Variants in USP34 observed in about 807,000 individuals in gnomAD.
USP34 encodes ubiquitin carboxyl-terminal hydrolase 34.
A neutral mutation model predicts 460.3 loss-of-function variants in USP34; 70 were observed. The observed-to-expected ratio is 0.15, with a 90% CI of 0.13 to 0.19. The LOEUF (loss-of-function observed/expected upper bound fraction) is 0.19. Ranked by LOEUF, USP34 falls within the 10% of genes least tolerant of loss-of-function variation. USP34 has a pLI of 1.00. For synonymous variants in USP34, 1,647 were observed against 1,405.3 expected (o/e 1.17, Z -3.85); for missense variants, 3,985 against 4,236.2 (o/e 0.94, Z 1.65).
intron 13 of USP34, 134 bp downstream of exon 13, chr2:61,349,116 G>T: frequency 1.7e-6 from 2 of 1,151,060 alleles, no homozygotes; most frequent in Non-Finnish European, 2.4e-6. Flanking sequence ...ACACGAATAT[G>T]TTAAAGGTTT....
chr2:61,455,683 C>G (rs1301503110), intron 1 of USP34, among the ~76,000 whole-genome samples: 1 of 152,142 alleles, frequency 6.6e-6, no homozygotes, highest in East Asian at 1.9e-4. Context: ...CCCATCATCC[C>G]AAAACTAAAC....
At chr2:61,237,822 T>A (rs898115776) in intron 53 of USP34, among the ~76,000 whole-genome samples, 2 of 151,604 alleles carry the variant, frequency 1.3e-5, no homozygotes, top group Non-Finnish European at 2.9e-5. Context: ...GCAATCCACC[T>A]ACTTCCCAAA....
At chr2:61,338,952 A>G (rs1405779029) in intron 18 of USP34, among the ~76,000 whole-genome samples, 4 of 152,220 alleles carry the variant, frequency 2.6e-5, no homozygotes, top group Non-Finnish European at 4.4e-5. Flanking sequence ...GAACAATACT[A>G]ATATCAAAGT....
Position 61,348,484 on chromosome 2 carries a change from T to C in USP34, c.1675-4A>G. On this transcript the variant is annotated splice_polypyrimidine_tract_variant and splice_region_variant and intron_variant, in intron 14 of 79. Coordinates refer to ENST00000398571, the MANE Select transcript of USP34 (RefSeq NM_014709.4). ...CAGAACTTCCCTGCATGGATTCCTG[T>C]ATTTTGAAACAAATAGATTTAAATA... The C allele has an allele frequency of 1.2e-6, 2 of 1,604,504 alleles. No homozygotes were observed. Among genetic ancestry groups the C allele is most frequent in the Non-Finnish European group, 1.7e-6 (2 of 1,175,538 alleles).
chr2:61,302,690 C>A (rs866476973), intron 27 of USP34, among the ~76,000 whole-genome samples: 21 of 152,192 alleles, frequency 1.4e-4, no homozygotes, highest in African/African-American at 5.1e-4. Context: ...CATTCTATAT[C>A]ATTTAACTAA....
At chr2:61,256,532 T>C (rs1281241887) in intron 47 of USP34, 54 bp from the exon 48 acceptor site, 4 of 1,364,958 alleles carry the variant, frequency 2.9e-6, no homozygotes, top group Non-Finnish European at 4.0e-6. Flanking sequence ...AGCATGCAAA[T>C]ATACAAAAGG....
chr2:61,202,424 TG>T (rs1227574274), intron 75 of USP34, among the ~76,000 whole-genome samples: 7 of 152,102 alleles, frequency 4.6e-5, no homozygotes, highest in Admixed American at 3.9e-4. Flanking sequence ...CCTAGAACTC[TG>T]GAAGTCCTGA....
At chr2:61,250,789 A>C (rs1157004704) in intron 48 of USP34, among the ~76,000 whole-genome samples, 1 of 152,168 alleles carries the variant, frequency 6.6e-6, no homozygotes, top group African/African-American at 2.4e-5. Flanking sequence ...TAGACACTAA[A>C]ATCAGGCCGA....
At chr2:61,396,626 T>C (rs1693537236) in intron 3 of USP34, among the ~76,000 whole-genome samples, 1 of 152,046 alleles carries the variant, frequency 6.6e-6, no homozygotes, top group African/African-American at 2.4e-5. Context: ...GTAGCCGGGA[T>C]TACAGGCGCC....
At chr2:61,277,941 A>G (rs778090431) in intron 41 of USP34, 35 of 499,846 alleles carry the variant, frequency 7.0e-5, no homozygotes, top group South Asian at 1.3e-4. Flanking sequence ...CGCCATCCAC[A>G]TAAGATGCGA....
chr2:61,403,267 T>C (rs530618430), intron 3 of USP34, among the ~76,000 whole-genome samples: 53 of 152,246 alleles, frequency 3.5e-4, no homozygotes, highest in African/African-American at 1.2e-3. Flanking sequence ...GAGATTACCA[T>C]TTTTGAAAAC....
chr2:61,394,243 T>C (rs1196536551), intron 5 of USP34, among the ~76,000 whole-genome samples: 1 of 152,174 alleles, frequency 6.6e-6, no homozygotes, highest in African/African-American at 2.4e-5. Context: ...ACAATCTTCA[T>C]GTGTAAGAGA....
rs1215390304 is a variant in USP34, at chr2:61,278,192, T to C, written c.5406A>G (p.Pro1802=). The C allele has an allele frequency of 1.2e-6, 2 of 1,613,138 alleles. No homozygotes were observed. The highest frequency in any genetic ancestry group is 2.2e-5 in the South Asian group (2 of 90,930). Residue 1802 remains proline (P), a synonymous_variant, in exon 41 of 80, where the codon CCA becomes CCG. Transcript: ENST00000398571. ...RLATSVVKHK[P]PFKFSREGQE... The stretch of plus-strand genomic sequence containing the variant: ...GTCCTTCCCTTGAAAATTTAAAGGG[T>C]GGTTTGTGTTTAACAACACTTGTTG...
At position 61,188,574 on chromosome 2, in the gene USP34, G is replaced by T; in HGVS notation, c.10169C>A (p.Thr3390Asn). ...LTPTSTSDNE[T>N]RDSSIIDPGT... The stretch of plus-strand genomic sequence containing the variant: ...TGGATCAATAATTGAGGAGTCTCTG[G>T]TCTCATTGTCAGAAGTGCTCGTTGG... The change falls in exon 80 of 80, where the codon ACC becomes AAC. Residue 3390 changes from threonine to asparagine, a missense_variant. Around this residue, in one of 14 missense-constraint regions of USP34, gnomAD observed 506 missense variants for 439.0 expected, o/e 1.15. Transcript: ENST00000398571. 6.2e-7 allele frequency: 1 copy of T among 1,614,142 alleles called. No homozygotes were observed. Among genetic ancestry groups the T allele is most frequent in the East Asian group, 2.2e-5 (1 of 44,886 alleles).
Position 61,314,676 on chromosome 2 carries a change from T to C in USP34, c.3451A>G (p.Ser1151Gly). 1 of 1,603,424 alleles carries C rather than the reference T, an allele frequency of 6.2e-7. No homozygotes were observed. Among genetic ancestry groups the C allele is most frequent in the South Asian group, 1.1e-5 (1 of 88,748 alleles). Residue 1151 changes from serine (S) to glycine (G), a missense_variant, in exon 25 of 80, where the codon AGC (serine) becomes GGC (glycine). Around this residue, in one of 14 missense-constraint regions of USP34, gnomAD observed 1,114 missense variants for 1,122.5 expected, o/e 0.99. Transcript: ENST00000398571. Reference protein sequence around the residue: ...KCMESLMIASSSLEQESHSSL... With the variant: ...KCMESLMIASGSLEQESHSSL... ...GAGTGTGATTCCTGTTCAAGACTGC[T>C]AGAAGCTATCATAAGACTCTCCATG... is the stretch of plus-strand genomic sequence containing the variant.
chr2:61,391,015 A>C (rs908649832), intron 5 of USP34, among the ~76,000 whole-genome samples: 1 of 152,016 alleles, frequency 6.6e-6, no homozygotes, highest in Non-Finnish European at 1.5e-5. Context: ...GAATCGCTTG[A>C]ATCTGGGAGG....
At position 61,206,857 on chromosome 2, in the gene USP34, G is replaced by A. The variant is rs781144166; in HGVS notation, c.8949C>T (p.His2983=). 1.7e-5 allele frequency: 27 copies of A among 1,613,326 alleles called. No homozygotes were observed. Among genetic ancestry groups the A allele is most frequent in the South Asian group, 3.3e-5 (3 of 90,986 alleles). The change falls in exon 71 of 80, where the codon CAC becomes CAT. Residue 2983 remains histidine, a synonymous_variant. Coordinates refer to ENST00000398571, the MANE Select transcript of USP34 (RefSeq NM_014709.4). ...CAGTCACATGGCAAGCTGTAGCTTCGTGATACATCATGTGCAAAGTGTTGA... is the reference window on the plus strand; with the variant it reads ...CAGTCACATGGCAAGCTGTAGCTTCATGATACATCATGTGCAAAGTGTTGA... ...ESFNTLHMMY[H]EATACHVTGD...
At chr2:61,432,115 A>C (rs935317389) in intron 1 of USP34, among the ~76,000 whole-genome samples, 6 of 151,410 alleles carry the variant, frequency 4.0e-5, no homozygotes, top group African/African-American at 1.5e-4. Context: ...CCAAGGCAAG[A>C]TTTGCTTGGG....
At position 61,248,558 on chromosome 2, in the gene USP34, G is replaced by A. The variant is rs370236696; in HGVS notation, c.6347C>T (p.Thr2116Met). Residue 2116 changes from threonine (T) to methionine (M), a missense_variant, in exon 49 of 80, where the codon ACG becomes ATG. Thr to Met is a moderately conservative substitution (Grantham distance 81, BLOSUM62 -1). Transcript: ENST00000398571. ...CATAAGAAAATCTTCTGTATAGGGC[G>A]TCATGTCCAAACGTAATGGGAAGGA... ...HFSFPLRLDM[T>M]PYTEDFLMGK... 2.2e-5 allele frequency: 36 copies of A among 1,606,490 alleles called. 1 individual carries two copies. Among genetic ancestry groups the A allele is most frequent in the African/African-American group, 6.7e-5 (5 of 74,700 alleles).
Sources: gnomAD v4.1 joint callset for allele counts (sites outside exome capture counted in the v4.1 genomes callset) on GRCh38, gnomAD v4.1.1 for gene constraint, gnomAD v4.1.1 regional missense constraint, MANE v1.5 for transcripts, NCBI Gene and HGNC (gene_info 2026-07-23, HGNC 2026-07-21) for gene names.